Variants in TYW5 observed in about 807,000 individuals in gnomAD.
TYW5 encodes tRNA wybutosine-synthesizing protein 5.
Under a neutral mutation model 44.4 loss-of-function variants are expected in TYW5, and 36 were observed. The ratio of observed to expected loss-of-function variants is 0.81; its 90% confidence interval spans 0.62 to 1.07. The LOEUF (loss-of-function observed/expected upper bound fraction) is 1.07. Among genes scored for constraint, TYW5 ranks in the 50% least tolerant of loss-of-function variants. The pLI is 0.00. For synonymous variants in TYW5, 121 were observed against 128.1 expected (o/e 0.94, Z 0.37); for missense variants, 354 against 365.7 (o/e 0.97, Z 0.26).
intron 4 of TYW5, 145 bp downstream of exon 4, chr2:199,939,944 C>T (rs2077451137): frequency 2.5e-6 from 2 of 785,102 alleles, no homozygotes; most frequent in Admixed American, 2.6e-5. Flanking sequence ...ACTTCTTATT[C>T]AGGGGCACAA....
At chr2:199,949,322 C>T (rs1396244007) in intron 1 of TYW5, among the ~76,000 whole-genome samples, 1 of 152,048 alleles carries the variant, frequency 6.6e-6, no homozygotes, top group Admixed American at 6.5e-5. Context: ...GAGCTGAGGT[C>T]GCACCATTGT....
intron 7 of TYW5, among the ~76,000 whole-genome samples, chr2:199,934,373 A>G (rs1320279020): frequency 6.6e-6 from 1 of 151,822 alleles, no homozygotes; most frequent in Non-Finnish European, 1.5e-5. Flanking sequence ...AAACAATTGT[A>G]TGAAGAATAA....
At chr2:199,939,136 G>A (rs1421464677) in intron 4 of TYW5, 66 bp from the exon 5 acceptor site, 2 of 1,431,820 alleles carry the variant, frequency 1.4e-6, no homozygotes, top group Non-Finnish European at 1.9e-6. Flanking sequence ...GAAGACTGGG[G>A]CAAAACTTTG....
intron 5 of TYW5, 48 bp from the exon 6 acceptor site, chr2:199,936,540 T>A: frequency 6.7e-7 from 1 of 1,502,046 alleles, no homozygotes; most frequent in Non-Finnish European, 9.2e-7. Context: ...AAAATTCAAA[T>A]AAATAGAACC....
At chr2:199,954,121 A>C (rs1199523827) in intron 1 of TYW5, among the ~76,000 whole-genome samples, 1 of 150,736 alleles carries the variant, frequency 6.6e-6, no homozygotes, top group African/African-American at 2.4e-5. Context: ...TTTTTTTTTT[A>C]AGCTAGGGTC....
At position 199,929,855 on chromosome 2, in the gene TYW5, C is replaced by T. The variant is rs2077360825; in HGVS notation, c.*3212G>A. On this transcript the variant is annotated 3_prime_UTR_variant, in exon 8 of 8. Transcript: ENST00000354611. ...AGTTTTTTTTTTTGAGACAGGTCTCCCCATGTTGCCCAGACTGAACTTGAA... is the reference window on the plus strand; with the variant it reads ...AGTTTTTTTTTTTGAGACAGGTCTCTCCATGTTGCCCAGACTGAACTTGAA... The T allele has an allele frequency of 6.6e-6, 1 of 151,834 alleles. No homozygotes were observed. The highest frequency in any genetic ancestry group is 2.1e-4 in the South Asian group (1 of 4,826). The allele number at this position is 151,834 out of a possible 1,614,324, so 9.4% of individuals were successfully genotyped here.
intron 4 of TYW5, 132 bp from the exon 5 acceptor site, chr2:199,939,202 CTCTA>C (rs2077445078): frequency 4.1e-6 from 3 of 730,992 alleles, no homozygotes; most frequent in South Asian, 2.9e-5. Context: ...ATCTCTCTCT[CTCTA>C]TCTTTCTCTC....
chr2:199,929,970 ATTTTTTTTTTTTT>A lies in TYW5; in HGVS notation c.*3084_*3096del, dbSNP rs35165461. On this transcript the variant is annotated 3_prime_UTR_variant, in exon 8 of 8. Coordinates refer to ENST00000354611, the MANE Select transcript of TYW5 (RefSeq NM_001039693.3). ...ACCACTCCCCAGCTCTGCATATAAT[ATTTTTTTTTTTTT>A]TTTTTTTTTTGAGACAGGGTCTCAC... The A allele has an allele frequency of 1.1e-5, 1 of 89,826 alleles. No homozygotes were observed. Among genetic ancestry groups the A allele is most frequent in the Non-Finnish European group, 2.2e-5 (1 of 46,068 alleles). The allele number at this position is 89,826 out of a possible 1,614,324, so 5.6% of individuals were successfully genotyped here. A position where few individuals can be genotyped will look rare whatever the true frequency, so the allele number is the denominator to read the frequency against.
In TYW5 at chr2:199,939,088, T is replaced by C. The variant is rs370039510; in HGVS notation, c.349-18A>G. 92 of 1,581,864 alleles carry C rather than the reference T, an allele frequency of 5.8e-5. No homozygotes were observed. In the African/African-American group the frequency reaches 1.1e-3, roughly 20 times the overall value. On this transcript the variant is annotated intron_variant, in intron 4 of 7. Transcript: ENST00000354611. ...GCAACATCCTGCATTTACAGAAACA[T>C]AAAAAGAAAAAATTAGATTAGACCC...
chr2:199,940,214 A>C, intron 3 of TYW5, 81 bp from the exon 4 acceptor site: 1 of 1,246,598 alleles, frequency 8.0e-7, no homozygotes, highest in South Asian at 1.3e-5. Context: ...TATAGCTATC[A>C]TGTATTCATA....
At chr2:199,943,729 T>C in intron 3 of TYW5, 36 bp downstream of exon 3, 3 of 1,518,892 alleles carry the variant, frequency 2.0e-6, no homozygotes, top group Non-Finnish European at 2.7e-6. Flanking sequence ...TATATAGATA[T>C]TAATGCCTTC....
rs1485311614 is a variant in TYW5, at chr2:199,929,736, G to A, written c.*3331C>T. On this transcript the variant is annotated 3_prime_UTR_variant, in exon 8 of 8. Transcript: ENST00000354611. ...CTTTGTTTTGGTATTTTATCAAAGT[G>A]AGTTAGAAATTAATTACAGGACAAA... Among the ~76,000 whole-genome samples, 1 of 151,964 alleles carries A rather than the reference G, an allele frequency of 6.6e-6. No individual in the cohort carries two copies. The highest frequency in any genetic ancestry group is 1.5e-5 in the Non-Finnish European group (1 of 67,990).
Position 199,929,993 on chromosome 2 carries a change from T to TTTTA in TYW5, c.*3073_*3074insTAAA, listed in dbSNP as rs2077362871. The TTTTA allele has an allele frequency of 9.0e-6, 1 of 111,408 alleles. No individual in the cohort carries two copies. The highest frequency in any genetic ancestry group is 3.5e-5 in the African/African-American group (1 of 28,594). The allele number at this position is 111,408 out of a possible 1,614,324, so 6.9% of individuals were successfully genotyped here. A position where few individuals can be genotyped will look rare whatever the true frequency, so the allele number is the denominator to read the frequency against. ...ATATTTTTTTTTTTTTTTTTTTTTT[T>TTTTA]GAGACAGGGTCTCACTCTGTCACCC... On this transcript the variant is annotated 3_prime_UTR_variant, in exon 8 of 8. Transcript: ENST00000354611.
chr2:199,933,720 G>A (rs1008728382), intron 7 of TYW5, among the ~76,000 whole-genome samples: 1 of 152,096 alleles, frequency 6.6e-6, no homozygotes, highest in African/African-American at 2.4e-5. Context: ...TACTTGAGGA[G>A]TATCTTTGAC....
intron 5 of TYW5, among the ~76,000 whole-genome samples, chr2:199,937,888 A>G (rs1004403382): frequency 1.3e-5 from 2 of 149,768 alleles, no homozygotes; most frequent in African/African-American, 4.9e-5. Context: ...ACTGTGATTT[A>G]GAACTTAAAA....
chr2:199,950,630 G>A lies in TYW5; in HGVS notation c.79-2158C>T, dbSNP rs572473771. Among the ~76,000 whole-genome samples, 17 of 152,204 alleles carry A rather than the reference G, an allele frequency of 1.1e-4. No individual in the cohort carries two copies. In the South Asian group the frequency reaches 3.5e-3, roughly 32 times the overall value. ...CTAAATGGTCCCAGTATGAGTGAGT[G>A]CATGTGGGTCTGTGTGTGTGTATGT... is the stretch of plus-strand genomic sequence containing the variant. On this transcript the variant is annotated intron_variant, in intron 1 of 7. Transcript: ENST00000354611.
chr2:199,955,306 C>T, intron 1 of TYW5, 87 bp downstream of exon 1: 1 of 1,468,652 alleles, frequency 6.8e-7, no homozygotes, highest in South Asian at 1.2e-5. Context: ...CACCCTGGGT[C>T]TCTAAAAACC....
intron 3 of TYW5, among the ~76,000 whole-genome samples, chr2:199,940,863 A>T (rs1041430323): frequency 9.2e-5 from 14 of 152,306 alleles, no homozygotes; most frequent in Admixed American, 5.2e-4. Flanking sequence ...AATGTACAGT[A>T]ACAGATAAAT....
intron 6 of TYW5, 36 bp downstream of exon 6, chr2:199,936,369 G>A: frequency 6.5e-7 from 1 of 1,537,866 alleles, no homozygotes; most frequent in Admixed American, 1.8e-5. Flanking sequence ...TAACTGAATA[G>A]ACTTTTGAAA....
Sources: allele counts gnomAD v4.1 joint callset (sites outside exome capture counted in the v4.1 genomes callset), GRCh38; gene constraint gnomAD v4.1.1; transcripts MANE v1.5; gene names NCBI Gene and HGNC (gene_info 2026-07-23, HGNC 2026-07-21).